Variants in CCDC192 observed in about 807,000 individuals in gnomAD.
The protein encoded by CCDC192 is coiled-coil domain-containing protein 192.
At chr5:127,803,840 C>T (rs142774516) in intron 5 of CCDC192, among the ~76,000 whole-genome samples, 142 of 152,300 alleles carry the variant, frequency 9.3e-4, no homozygotes, top group African/African-American at 3.1e-3. Flanking sequence ...ATGTTATTCT[C>T]TATACTGTCC....
intron 6 of CCDC192, among the ~76,000 whole-genome samples, chr5:127,903,897 A>C (rs932678661): frequency 9.2e-5 from 14 of 152,336 alleles, no homozygotes; most frequent in African/African-American, 3.4e-4. Flanking sequence ...ATCATGACAA[A>C]AAGTGGCTGT....
At chr5:127,737,972 T>G (rs1278995732) in intron 2 of CCDC192, among the ~76,000 whole-genome samples, 1 of 151,840 alleles carries the variant, frequency 6.6e-6, no homozygotes, top group African/African-American at 2.4e-5. Context: ...ATCCTGTCAT[T>G]ATGATGTTAG....
At chr5:127,773,799 A>G (rs574468089) in intron 3 of CCDC192, among the ~76,000 whole-genome samples, 43 of 152,332 alleles carry the variant, frequency 2.8e-4, no homozygotes, top group South Asian at 1.4e-3. Flanking sequence ...TTGCTGGATC[A>G]CATGGTAATT....
intron 5 of CCDC192, among the ~76,000 whole-genome samples, chr5:127,823,180 C>G (rs551476925): frequency 6.6e-6 from 1 of 152,194 alleles, no homozygotes; most frequent in African/African-American, 2.4e-5. Context: ...AATAGTGCAG[C>G]GACAGTAATC....
At position 127,940,287 on chromosome 5, in the gene CCDC192, A is replaced by C. The variant is rs1561560274; in HGVS notation, c.536-895A>C. ...AAGTGCCAAAAAGACTTCAGGCCTA[A>C]AAGAAATGAATCTGTATGGGAAATA... On this transcript the variant is annotated intron_variant, in intron 6 of 6. Coordinates refer to ENST00000514853, the MANE Select transcript of CCDC192 (RefSeq NM_001317938.2). 2.6e-5 allele frequency: 4 copies of C among 152,164 alleles called. No individual in the cohort carries two copies. The South Asian group carries it at 8.3e-4, about 31-fold the overall frequency. The allele number at this position is 152,164 out of a possible 1,614,324, so 9.4% of individuals were successfully genotyped here. A position where few individuals can be genotyped will look rare whatever the true frequency, so the allele number is the denominator to read the frequency against.
chr5:127,923,221 A>T (rs1202631234), intron 6 of CCDC192, among the ~76,000 whole-genome samples: 1 of 152,208 alleles, frequency 6.6e-6, no homozygotes, highest in Non-Finnish European at 1.5e-5. Context: ...TTTGGTATAA[A>T]GAAAAGTTTT....
chr5:127,924,660 G>A (rs1753817443), intron 6 of CCDC192, among the ~76,000 whole-genome samples: 1 of 152,254 alleles, frequency 6.6e-6, no homozygotes, highest in South Asian at 2.1e-4. Flanking sequence ...TTACCTGACA[G>A]TAGAGGCAGG....
At chr5:127,830,405 A>G (rs1353827225) in intron 5 of CCDC192, among the ~76,000 whole-genome samples, 4 of 152,204 alleles carry the variant, frequency 2.6e-5, no homozygotes, top group Admixed American at 2.6e-4. Context: ...GCTTATCATT[A>G]TGCAAGCTGG....
chr5:127,788,507 CTT>C (rs1354474278), intron 3 of CCDC192, among the ~76,000 whole-genome samples: 3 of 152,114 alleles, frequency 2.0e-5, no homozygotes, highest in Non-Finnish European at 4.4e-5. Flanking sequence ...GTCAAAGTCA[CTT>C]AAATTAAAAT....
intron 5 of CCDC192, among the ~76,000 whole-genome samples, chr5:127,839,764 T>G (rs1415020517): frequency 6.6e-6 from 1 of 152,044 alleles, no homozygotes; most frequent in African/African-American, 2.4e-5. Flanking sequence ...ATACTGTATT[T>G]CATCACACTA....
At chr5:127,715,146 A>G (rs1751558206) in intron 2 of CCDC192, among the ~76,000 whole-genome samples, 1 of 152,092 alleles carries the variant, frequency 6.6e-6, no homozygotes, top group African/African-American at 2.4e-5. Flanking sequence ...CCATTTGTCT[A>G]ATTTTGCTTT....
At chr5:127,847,848 A>AATAC (rs1554080658) in intron 5 of CCDC192, among the ~76,000 whole-genome samples, 41 of 151,418 alleles carry the variant, frequency 2.7e-4, no homozygotes, top group African/African-American at 6.8e-4. Flanking sequence ...TAAATAAATA[A>AATAC]ATAAATACAT....
intron 5 of CCDC192, among the ~76,000 whole-genome samples, chr5:127,839,956 G>A (rs1327879621): frequency 6.6e-6 from 1 of 152,104 alleles, no homozygotes; most frequent in Non-Finnish European, 1.5e-5. Flanking sequence ...AAAGTTTCAT[G>A]AGAATTAAAT....
intron 6 of CCDC192, among the ~76,000 whole-genome samples, chr5:127,924,962 T>C (rs1753824663): frequency 6.6e-6 from 1 of 152,208 alleles, no homozygotes; most frequent in Non-Finnish European, 1.5e-5. Context: ...CCACAGAATT[T>C]TTTGACATCT....
At chr5:127,742,037 T>G (rs1753448659) in intron 2 of CCDC192, among the ~76,000 whole-genome samples, 1 of 152,186 alleles carries the variant, frequency 6.6e-6, no homozygotes, top group African/African-American at 2.4e-5. Context: ...GGAGAGAAAT[T>G]CTAGGCTGAG....
chr5:127,933,345 G>A (rs1019514972), intron 6 of CCDC192, among the ~76,000 whole-genome samples: 2 of 152,178 alleles, frequency 1.3e-5, no homozygotes, highest in African/African-American at 4.8e-5. Flanking sequence ...GAAGCAGGGT[G>A]ACCAGAGAAG....
At chr5:127,857,192 A>G (rs1271518198) in intron 5 of CCDC192, among the ~76,000 whole-genome samples, 1 of 152,194 alleles carries the variant, frequency 6.6e-6, no homozygotes, top group Non-Finnish European at 1.5e-5. Flanking sequence ...CCTCACATGA[A>G]CACTTTTACC....
chr5:127,934,000 G>T (rs890991002), intron 6 of CCDC192, among the ~76,000 whole-genome samples: 6 of 152,218 alleles, frequency 3.9e-5, no homozygotes, highest in Non-Finnish European at 7.3e-5. Flanking sequence ...ACTGAGATAT[G>T]CAGGCACCAC....
chr5:127,902,357 T>A (rs1215148367), intron 6 of CCDC192, among the ~76,000 whole-genome samples: 1 of 151,942 alleles, frequency 6.6e-6, no homozygotes, highest in African/African-American at 2.4e-5. Context: ...ATAAAAGTTT[T>A]TTTTTTTTTC....
Sources: gnomAD v4.1 joint callset for allele counts (sites outside exome capture counted in the v4.1 genomes callset) on GRCh38, gnomAD v4.1.1 for gene constraint, MANE v1.5 for transcripts, NCBI Gene and HGNC (gene_info 2026-07-23, HGNC 2026-07-21) for gene names.